PYCR3: variants seen among roughly 807,000 people sequenced by gnomAD.
PYCR3 encodes pyrroline-5-carboxylate reductase 3.
In PYCR3, 26 loss-of-function variants were observed where a neutral mutation model predicts 23.4. That is an observed-to-expected ratio of 1.11 (90% CI 0.81 to 1.54). The LOEUF (loss-of-function observed/expected upper bound fraction) is 1.54, where lower values mean the gene tolerates loss of function less well. Among genes scored for constraint, PYCR3 ranks in the 40% most tolerant of loss-of-function variants. The pLI is 0.00. For synonymous variants in PYCR3, 194 were observed against 162.6 expected (o/e 1.19, Z -1.47); for missense variants, 360 against 376.3 (o/e 0.96, Z 0.36).
At position 143,604,972 on chromosome 8, in the gene PYCR3, T is replaced by C; in HGVS notation, c.*728A>G. 2.0e-6 allele frequency: 1 copy of C among 494,718 alleles called. No homozygotes were observed. Among genetic ancestry groups the C allele is most frequent in the African/African-American group, 1.9e-5 (1 of 51,622 alleles). 30.6% of individuals were successfully genotyped at this position (494,718 alleles called of 1,614,324 possible). ...CAGACTAAAGCCAGGGGTCTGCATG[T>C]GTCCTGGCTGGCCAGGGCCACCCTC... On this transcript the variant is annotated 3_prime_UTR_variant, in exon 6 of 6. Coordinates refer to ENST00000495276, the MANE Select transcript of PYCR3 (RefSeq NM_023078.6).
Position 143,606,573 on chromosome 8 carries a change from TCG to T in PYCR3, c.441_442del (p.Ser147ArgfsTer16). On this transcript the variant is annotated frameshift_variant, in exon 4 of 6. Coordinates refer to ENST00000495276, the MANE Select transcript of PYCR3 (RefSeq NM_023078.6). LOFTEE classifies it high-confidence loss of function. ...CAGCAGATGCTGCAGGAGCTTGGTC[TCG>T]CTGCTCCCCACGTGGCGGCCCCGCG... is the stretch of plus-strand genomic sequence containing the variant. The T allele has an allele frequency of 1.9e-6, 3 of 1,612,848 alleles. No individual in the cohort carries two copies. Among genetic ancestry groups the T allele is most frequent in the Non-Finnish European group, 2.5e-6 (3 of 1,179,970 alleles).
At position 143,605,404 on chromosome 8, in the gene PYCR3, C is replaced by T. The variant is rs184675508; in HGVS notation, c.*296G>A. 14 of 462,096 alleles carry T rather than the reference C, an allele frequency of 3.0e-5. No individual in the cohort carries two copies. The highest frequency in any genetic ancestry group is 1.4e-4 in the African/African-American group (7 of 51,438). 28.6% of individuals were successfully genotyped at this position (462,096 alleles called of 1,614,324 possible). On this transcript the variant is annotated 3_prime_UTR_variant, in exon 6 of 6. Transcript: ENST00000495276. ...CAACCATGCGGGCAAATGACCAAGA[C>T]GCCATCTCTTGGGCCCCTCAGAACC...
chr8:143,605,170 CCAGGGCCCCTGGCTTTACTG>C lies in PYCR3; in HGVS notation c.*510_*529del. 5.8e-6 allele frequency: 2 copies of C among 343,988 alleles called. No homozygotes were observed. Among genetic ancestry groups the C allele is most frequent in the South Asian group, 4.4e-5 (2 of 45,490 alleles). 21.3% of individuals were successfully genotyped at this position (343,988 alleles called of 1,614,324 possible). A position where few individuals can be genotyped will look rare whatever the true frequency, so the allele number is the denominator to read the frequency against. ...AGCTCCCCATGGGGGCCCCATCAGG[CCAGGGCCCCTGGCTTTACTG>C]CAGGGGAGAGGGTCTCTTGTGCAGA... is the stretch of plus-strand genomic sequence containing the variant. On this transcript the variant is annotated 3_prime_UTR_variant, in exon 6 of 6. Coordinates refer to ENST00000495276, the MANE Select transcript of PYCR3 (RefSeq NM_023078.6).
rs1026354236 is a variant in PYCR3 at position 143,605,998 on chromosome 8, T to C, written c.642+64A>G. On this transcript the variant is annotated intron_variant, in intron 5 of 5. Coordinates refer to ENST00000495276, the MANE Select transcript of PYCR3 (RefSeq NM_023078.6). ...CAGCTTCTCGAGCCTGCTGTTTCCC[T>C]GCGCACTGGAAGAGGTACAGGCCTG... 1.1e-5 allele frequency: 17 copies of C among 1,561,902 alleles called. No individual in the cohort carries two copies. The African/African-American group carries it at 2.3e-4, about 21-fold the overall frequency.
intron 1 of PYCR3, chr8:143,608,548 C>G: frequency 3.1e-6 from 1 of 322,010 alleles, no homozygotes; most frequent in Non-Finnish European, 6.0e-6. Context: ...GAGGGAGAGT[C>G]TATGCTGGAA....
intron 4 of PYCR3, 28 bp downstream of exon 4, chr8:143,606,439 G>A (rs1416652894): frequency 1.2e-6 from 2 of 1,607,752 alleles, no homozygotes; most frequent in African/African-American, 1.3e-5. Flanking sequence ...CCGAGGGTGG[G>A]GCCGGGGATG....
At position 143,609,526 on chromosome 8, in the gene PYCR3, G is replaced by T. The variant is rs1014985797; in HGVS notation, c.23C>A (p.Pro8Gln). MAAAEPS[P>Q]RRVGFVGAGR... ...CGCGCCCACGAAGCCCACGCGCCGCGGAGACGGCTCCGCAGCTGCCATCTT... is the reference window on the plus strand; with the variant it reads ...CGCGCCCACGAAGCCCACGCGCCGCTGAGACGGCTCCGCAGCTGCCATCTT... The change falls in exon 1 of 6, where the codon CCG becomes CAG. Residue 8 changes from proline to glutamine, a missense_variant. Transcript: ENST00000495276. The T allele has an allele frequency of 7.3e-6, 11 of 1,513,756 alleles. No individual in the cohort carries two copies. In the South Asian group the frequency reaches 1.3e-4, roughly 18 times the overall value. The allele number at this position is 1,513,756 out of a possible 1,614,324, so 93.8% of individuals were successfully genotyped here.
At chr8:143,608,654 C>T (rs192191534) in intron 1 of PYCR3, 156 of 321,286 alleles carry the variant, frequency 4.9e-4, no homozygotes, top group Middle Eastern at 8.6e-4. Context: ...TAAGGTCGAA[C>T]AGGAAGGCAC....
Position 143,605,175 on chromosome 8 carries a change from GC to G in PYCR3, c.*524del, listed in dbSNP as rs1376893853. 1 of 341,414 alleles carries G rather than the reference GC, an allele frequency of 2.9e-6. No individual in the cohort carries two copies. The highest frequency in any genetic ancestry group is 5.7e-6 in the Non-Finnish European group (1 of 174,700). The allele number at this position is 341,414 out of a possible 1,614,324, so 21.1% of individuals were successfully genotyped here. On this transcript the variant is annotated 3_prime_UTR_variant, in exon 6 of 6. Coordinates refer to ENST00000495276, the MANE Select transcript of PYCR3 (RefSeq NM_023078.6). ...CCCATGGGGGCCCCATCAGGCCAGG[GC>G]CCCTGGCTTTACTGCAGGGGAGAGG...
At position 143,605,083 on chromosome 8, in the gene PYCR3, T is replaced by C; in HGVS notation, c.*617A>G. 5.2e-6 allele frequency: 2 copies of C among 381,920 alleles called. No homozygotes were observed. Among genetic ancestry groups the C allele is most frequent in the Non-Finnish European group, 1.0e-5 (2 of 192,536 alleles). The allele number at this position is 381,920 out of a possible 1,614,324, so 23.7% of individuals were successfully genotyped here. On this transcript the variant is annotated 3_prime_UTR_variant, in exon 6 of 6. Coordinates refer to ENST00000495276, the MANE Select transcript of PYCR3 (RefSeq NM_023078.6). ...GACCTGGCCCAGCAGCTCCTGCTCC[T>C]TAGCAGGGGATGAGCACGCCCACCA...
chr8:143,607,625 C>T (rs185971358), intron 2 of PYCR3, among the ~76,000 whole-genome samples: 70 of 152,238 alleles, frequency 4.6e-4, no homozygotes, highest in African/African-American at 1.7e-3. Context: ...CAAGCACATA[C>T]GTGCACTCAC....
At chr8:143,605,981 C>A in intron 5 of PYCR3, 81 bp downstream of exon 5, 1 of 1,557,818 alleles carries the variant, frequency 6.4e-7, no homozygotes, top group African/African-American at 1.4e-5. Flanking sequence ...CCCAGCTTCT[C>A]GAGCCTGCTG....
At position 143,603,530 on chromosome 8, in the gene PYCR3, T is replaced by C. The variant is rs1241423890; in HGVS notation, c.*2170A>G. ...CTCCACCTCCCGAGCTGAGCTCACCTAGTGCCCAGGGCTTGTCAGAGGTCC... is the reference window on the plus strand; with the variant it reads ...CTCCACCTCCCGAGCTGAGCTCACCCAGTGCCCAGGGCTTGTCAGAGGTCC... On this transcript the variant is annotated 3_prime_UTR_variant, in exon 6 of 6. Coordinates refer to ENST00000495276, the MANE Select transcript of PYCR3 (RefSeq NM_023078.6). 6.6e-6 allele frequency among the ~76,000 whole-genome samples: 1 copy of C among 152,170 alleles called. No homozygotes were observed. The highest frequency in any genetic ancestry group is 2.4e-5 in the African/African-American group (1 of 41,438).
chr8:143,606,996 A>G lies in PYCR3; in HGVS notation c.293T>C (p.Leu98Ser). The G allele has an allele frequency of 6.2e-7, 1 of 1,612,054 alleles. No homozygotes were observed. Among genetic ancestry groups the G allele is most frequent in the East Asian group, 2.2e-5 (1 of 44,844 alleles). ...AGACACCCCAGCAGCCACGGACACC[A>G]AGATGTGTTCAGTGGTGACCACAGG... ...VAPVVTTEHI[L>S]VSVAAGVSLS... Residue 98 changes from leucine to serine, a missense_variant, in exon 3 of 6, where the codon TTG (leucine) becomes TCG (serine). Transcript: ENST00000495276.
chr8:143,606,816 G>T (rs753448616), intron 3 of PYCR3, 137 bp from the exon 4 acceptor site: 9 of 1,339,928 alleles, frequency 6.7e-6, no homozygotes, highest in Middle Eastern at 2.3e-4. Context: ...AGCACCAGGA[G>T]GGAACCCTAA....
At chr8:143,608,884 C>G (rs1185132135) in intron 1 of PYCR3, 1 of 456,604 alleles carries the variant, frequency 2.2e-6, no homozygotes, top group Non-Finnish European at 4.4e-6. Context: ...TGGCTGAAGG[C>G]AGAGAGTCAA....
chr8:143,606,775 C>CGGTGG, intron 3 of PYCR3, 96 bp from the exon 4 acceptor site: 1 of 1,372,268 alleles, frequency 7.3e-7, no homozygotes, highest in East Asian at 2.5e-5. Flanking sequence ...CGTCAGCTCG[C>CGGTGG]GGTGGGCTCC....
At position 143,606,133 on chromosome 8, in the gene PYCR3, G is replaced by A. The variant is rs372031895; in HGVS notation, c.571C>T (p.Leu191=). Residue 191 remains leucine (L), a synonymous_variant, in exon 5 of 6, where the codon CTG becomes TTG. Coordinates refer to ENST00000495276, the MANE Select transcript of PYCR3 (RefSeq NM_023078.6). ...VAFVCAFSEA[L]AEGAVKMGMP... is the part of the protein sequence containing the mutation. ...CCCATCTTGACGGCTCCTTCAGCCAGGGCCTCGGAGAATGCACACACCTGT... is the reference window on the plus strand; with the variant it reads ...CCCATCTTGACGGCTCCTTCAGCCAAGGCCTCGGAGAATGCACACACCTGT... The A allele has an allele frequency of 1.9e-6, 3 of 1,609,934 alleles. No individual in the cohort carries two copies. Among genetic ancestry groups the A allele is most frequent in the Non-Finnish European group, 2.5e-6 (3 of 1,178,850 alleles).
chr8:143,606,998 GA>G lies in PYCR3; in HGVS notation c.290del (p.Ile97ThrfsTer11), dbSNP rs1454478414. 1.2e-6 allele frequency: 2 copies of G among 1,612,438 alleles called. No homozygotes were observed. The highest frequency in any genetic ancestry group is 1.7e-4 in the Middle Eastern group (1 of 6,048). ...EVAPVVTTEH[I>X]LVSVAAGVSL... ...ACACCCCAGCAGCCACGGACACCAA[GA>G]TGTGTTCAGTGGTGACCACAGGAGC... On this transcript the variant is annotated frameshift_variant, in exon 3 of 6. Coordinates refer to ENST00000495276, the MANE Select transcript of PYCR3 (RefSeq NM_023078.6). LOFTEE classifies it high-confidence loss of function.
Sources: allele counts gnomAD v4.1 joint callset (sites outside exome capture counted in the v4.1 genomes callset), GRCh38; gene constraint gnomAD v4.1.1; transcripts MANE v1.5; gene names NCBI Gene and HGNC (gene_info 2026-07-23, HGNC 2026-07-21).